BCL7C: variants seen among roughly 807,000 people sequenced by gnomAD.
The protein encoded by BCL7C is B-cell CLL/lymphoma 7 protein family member C.
Under a neutral mutation model 26.2 loss-of-function variants are expected in BCL7C, and 8 were observed. That is an observed-to-expected ratio of 0.30 (90% confidence interval 0.18 to 0.55). The LOEUF is 0.55. BCL7C is among the 20% of genes least tolerant of loss of function. The pLI, the probability that BCL7C is intolerant of heterozygous loss-of-function variation, is 0.93. For synonymous variants in BCL7C, 90 were observed against 116.5 expected (o/e 0.77, Z 1.47); for missense variants, 262 against 298.5 (o/e 0.88, Z 0.90).
intron 5 of BCL7C, chr16:30,851,739 C>T: frequency 3.4e-6 from 2 of 579,778 alleles, no homozygotes; most frequent in Non-Finnish European, 6.1e-6. Context: ...GACCACCAAA[C>T]AGTGACCGTG....
chr16:30,862,041 A>G (rs1051542822), intron 5 of BCL7C, among the ~76,000 whole-genome samples: 3 of 151,790 alleles, frequency 2.0e-5, no homozygotes, highest in African/African-American at 7.2e-5. Flanking sequence ...TAGTAGCGAC[A>G]GGGTTTAACT....
intron 5 of BCL7C, among the ~76,000 whole-genome samples, chr16:30,859,091 G>C (rs952155070): frequency 7.9e-5 from 12 of 152,186 alleles, no homozygotes; most frequent in African/African-American, 2.9e-4. Flanking sequence ...ACATTTTCTG[G>C]CTTACAAGAT....
intron 5 of BCL7C, among the ~76,000 whole-genome samples, chr16:30,874,826 G>A (rs970518003): frequency 6.6e-6 from 1 of 152,190 alleles, no homozygotes; most frequent in African/African-American, 2.4e-5. Context: ...GGCAGCTTCT[G>A]CCTCGCGAGG....
At chr16:30,841,572 T>C (rs1001324088) in intron 5 of BCL7C, among the ~76,000 whole-genome samples, 4 of 152,162 alleles carry the variant, frequency 2.6e-5, no homozygotes, top group African/African-American at 9.7e-5. Context: ...AAGCCTGCTG[T>C]GAACCAAACA....
intron 5 of BCL7C, chr16:30,851,153 T>G: frequency 3.7e-6 from 1 of 270,796 alleles, no homozygotes; most frequent in Non-Finnish European, 7.4e-6. Flanking sequence ...CCTGCAAAAC[T>G]GCTGGGATGC....
At chr16:30,859,063 G>C (rs1355880570) in intron 5 of BCL7C, among the ~76,000 whole-genome samples, 1 of 152,198 alleles carries the variant, frequency 6.6e-6, no homozygotes, top group African/African-American at 2.4e-5. Context: ...GTAATTGCCT[G>C]ATCAAGGCAA....
chr16:30,889,486 GTGTT>G (rs921087977), intron 4 of BCL7C, among the ~76,000 whole-genome samples: 6 of 152,046 alleles, frequency 3.9e-5, no homozygotes, highest in East Asian at 3.9e-4. Flanking sequence ...TTCTTTTTGT[GTGTT>G]TGTTTGTTTT....
intron 5 of BCL7C, among the ~76,000 whole-genome samples, chr16:30,840,337 C>T (rs914032565): frequency 1.3e-5 from 2 of 151,684 alleles, no homozygotes. Context: ...CCTGTCTCAG[C>T]CTCTCGAGTA....
chr16:30,889,277 T>C lies in BCL7C; in HGVS notation c.443-332A>G, dbSNP rs185413407. 3.3e-5 allele frequency among the ~76,000 whole-genome samples: 5 copies of C among 152,252 alleles called. No homozygotes were observed. In the East Asian group the frequency reaches 9.7e-4, roughly 29 times the overall value. On this transcript the variant is annotated intron_variant, in intron 4 of 5. Transcript: ENST00000215115. Reference sequence around the variant, plus strand: ...ATTTCCATGGGCCTCAGTTTCCCCATCTGTAAAATGGGGATAATGATAGTA... The same window carrying C: ...ATTTCCATGGGCCTCAGTTTCCCCACCTGTAAAATGGGGATAATGATAGTA...
intron 5 of BCL7C, among the ~76,000 whole-genome samples, chr16:30,845,624 T>C (rs2054629444): frequency 6.6e-6 from 1 of 152,236 alleles, no homozygotes. Context: ...ATCTCAGCCC[T>C]TGTGGGAGAA....
At position 30,894,040 on chromosome 16, in the gene BCL7C, G is replaced by A; in HGVS notation, c.-96C>T. The A allele has an allele frequency of 2.7e-6, 1 of 373,502 alleles. No homozygotes were observed. Among genetic ancestry groups the A allele is most frequent in the Non-Finnish European group, 3.8e-6 (1 of 259,780 alleles). The allele number at this position is 373,502 out of a possible 1,614,324, so 23.1% of individuals were successfully genotyped here. A position where few individuals can be genotyped will look rare whatever the true frequency, so the allele number is the denominator to read the frequency against. On this transcript the variant is annotated 5_prime_UTR_variant, in exon 1 of 6. Coordinates refer to ENST00000215115, the MANE Select transcript of BCL7C (RefSeq NM_004765.4). ...GCCAGGCCCGGGCGCCGCGCTCTCGGCCTGCCGTCCCCCCTGGAGTTGGCC... is the reference window on the plus strand; with the variant it reads ...GCCAGGCCCGGGCGCCGCGCTCTCGACCTGCCGTCCCCCCTGGAGTTGGCC...
chr16:30,893,376 G>A lies in BCL7C; in HGVS notation c.93-86C>T. The A allele has an allele frequency of 1.0e-6, 1 of 998,726 alleles. No homozygotes were observed. The highest frequency in any genetic ancestry group is 2.5e-5 in the East Asian group (1 of 39,278). The allele number at this position is 998,726 out of a possible 1,614,324, so 61.9% of individuals were successfully genotyped here. ...CTGGACACATCTGGGGGTACCTGCAGAGGTTGAGGAGGCACAGGAGGATAG... is the reference window on the plus strand; with the variant it reads ...CTGGACACATCTGGGGGTACCTGCAAAGGTTGAGGAGGCACAGGAGGATAG... On this transcript the variant is annotated intron_variant, in intron 1 of 5. Transcript: ENST00000215115. This position sits in a 1 kb window ranked among gnomAD's most constrained non-coding sequence, Gnocchi z 5.2.
chr16:30,866,129 G>C (rs1022094603), intron 5 of BCL7C, among the ~76,000 whole-genome samples: 5 of 152,072 alleles, frequency 3.3e-5, no homozygotes, highest in African/African-American at 4.8e-5. Flanking sequence ...TGGGGAGAGT[G>C]GGAGAGTTAG....
At chr16:30,889,631 G>A (rs2055193603) in intron 4 of BCL7C, among the ~76,000 whole-genome samples, 1 of 152,096 alleles carries the variant, frequency 6.6e-6, no homozygotes, top group African/African-American at 2.4e-5. Flanking sequence ...CTGGATTACA[G>A]GCATGTGCCA....
In BCL7C at chr16:30,893,885, C is replaced by T; in HGVS notation, c.60G>A (p.Lys20=). 3 of 1,592,520 alleles carry T rather than the reference C, an allele frequency of 1.9e-6. No homozygotes were observed. Among genetic ancestry groups the T allele is most frequent in the South Asian group, 1.1e-5 (1 of 90,514 alleles). ...TRSRAKDDIK[K]VMATIEKVRR... ...GGACCTTCTCGATGGTCGCCATCACCTTCTTGATGTCATCCTTGGCCCGGC... is the reference window on the plus strand; with the variant it reads ...GGACCTTCTCGATGGTCGCCATCACTTTCTTGATGTCATCCTTGGCCCGGC... Residue 20 remains lysine, a synonymous_variant, in exon 1 of 6, where the codon AAG becomes AAA. Coordinates refer to ENST00000215115, the MANE Select transcript of BCL7C (RefSeq NM_004765.4). The surrounding 1 kb of genome is among the most constrained non-coding windows in gnomAD (Gnocchi z 5.2).
At position 30,879,689 on chromosome 16, in the gene BCL7C, CAA is replaced by C. The variant is rs1187827463; in HGVS notation, c.528+9169_528+9170del. ...AACACAGAGAGACTCCCCTTCTCTA[CAA>C]AAAAAAAAAAAAAAAAAACTGGGCA... On this transcript the variant is annotated intron_variant, in intron 5 of 5. Coordinates refer to the BCL7C transcript ENST00000380317. Among the ~76,000 whole-genome samples the C allele has an allele frequency of 7.1e-4, 21 of 29,402 alleles. 2 individuals carry two copies. The South Asian group carries it at 0.011, about 15-fold the overall frequency. 19.3% of individuals were successfully genotyped at this position (29,402 alleles called of 152,430 possible). A position where few individuals can be genotyped will look rare whatever the true frequency, so the allele number is the denominator to read the frequency against.
intron 5 of BCL7C, chr16:30,840,567 C>T (rs1458881355): frequency 6.6e-6 from 1 of 152,210 alleles, no homozygotes; most frequent in African/African-American, 2.4e-5. Flanking sequence ...CTAGTACTAC[C>T]TGTGACTATG....
chr16:30,855,308 G>A (rs936576271), intron 5 of BCL7C, among the ~76,000 whole-genome samples: 2 of 151,688 alleles, frequency 1.3e-5, no homozygotes, highest in African/African-American at 2.4e-5. Context: ...ACATGATCTC[G>A]GCTCACTGCA....
In BCL7C at chr16:30,892,608, G is replaced by C. The variant is rs2055265590; in HGVS notation, c.420C>G (p.Pro140=). The C allele has an allele frequency of 1.9e-6, 3 of 1,587,880 alleles. No homozygotes were observed. The highest frequency in any genetic ancestry group is 2.6e-6 in the Non-Finnish European group (3 of 1,170,194). The change falls in exon 4 of 6, where the codon CCC becomes CCG. Residue 140 remains proline (P), a synonymous_variant. Coordinates refer to ENST00000215115, the MANE Select transcript of BCL7C (RefSeq NM_004765.4). ...PPEGVPEEAQ[P]PRLGQERDPG... ...TACCTCTCTCTTGGCCCAGCCGTGGGGGCTGAGCCTCCTCAGGGACCCCTT... is the reference window on the plus strand; with the variant it reads ...TACCTCTCTCTTGGCCCAGCCGTGGCGGCTGAGCCTCCTCAGGGACCCCTT...
Sources: allele counts gnomAD v4.1 joint callset (sites outside exome capture counted in the v4.1 genomes callset), GRCh38; gene constraint gnomAD v4.1.1; non-coding constraint Gnocchi (gnomAD v3.1); transcripts MANE v1.5; gene names NCBI Gene and HGNC (gene_info 2026-07-23, HGNC 2026-07-21).